The following BCAS1 variants were observed in gnomAD, a reference collection of about 807,000 sequenced individuals.
BCAS1 encodes the protein breast carcinoma-amplified sequence 1.
Under a neutral mutation model 65.4 loss-of-function variants are expected in BCAS1, and 46 were observed. The ratio of observed to expected loss-of-function variants is 0.70; its 90% CI spans 0.55 to 0.90. BCAS1 has a LOEUF of 0.90. BCAS1 is among the 40% of genes least tolerant of loss of function. BCAS1 has a pLI of 0.00. For missense variants in BCAS1, 793 were observed against 771.2 expected, an observed-to-expected ratio of 1.03 and a Z score of -0.33; for synonymous variants, 298 against 293.5, an observed-to-expected ratio of 1.02 and a Z score of -0.16.
intron 4 of BCAS1, among the ~76,000 whole-genome samples, chr20:54,017,703 G>A (rs2091469758): frequency 6.6e-6 from 1 of 152,038 alleles, no homozygotes; most frequent in Admixed American, 6.6e-5. Flanking sequence ...GCCAATATGT[G>A]TGATTTAAAA....
intron 8 of BCAS1, among the ~76,000 whole-genome samples, chr20:53,977,975 G>A (rs966628671): frequency 1.7e-4 from 25 of 151,408 alleles, no homozygotes; most frequent in Non-Finnish European, 2.9e-5. Flanking sequence ...TGCCATGCTG[G>A]TGCGCTGCAC....
chr20:54,028,857 G>C lies in BCAS1; in HGVS notation c.258C>G (p.Pro86=), dbSNP rs377354616. The C allele has an allele frequency of 6.2e-7, 1 of 1,613,942 alleles. No homozygotes were observed. The highest frequency in any genetic ancestry group is 1.3e-5 in the African/African-American group (1 of 74,952). Reference sequence around the variant, plus strand: ...AACGAGATTTAGCAGCTGGTGCCTCGGGTTTGGCCTCTTTCCCAAGATTCT... The same window carrying C: ...AACGAGATTTAGCAGCTGGTGCCTCCGGTTTGGCCTCTTTCCCAAGATTCT... ...NGKNLGKEAK[P]EAPAAKSRFF... is the part of the protein sequence containing the mutation. Residue 86 remains proline (P), a synonymous_variant, in exon 4 of 13, where the codon CCC becomes CCG. Transcript: ENST00000688948.
intron 4 of BCAS1, 22 bp downstream of exon 4, chr20:54,028,370 G>A (rs1221260251): frequency 6.2e-7 from 1 of 1,611,808 alleles, no homozygotes; most frequent in African/African-American, 1.3e-5. Context: ...AGAACCAAGT[G>A]GATACACCTT....
At chr20:54,056,439 T>C (rs1357690640) in intron 3 of BCAS1, among the ~76,000 whole-genome samples, 2 of 152,100 alleles carry the variant, frequency 1.3e-5, no homozygotes, top group African/African-American at 4.8e-5. Context: ...ATAATGGATA[T>C]TGGAGACTCC....
intron 4 of BCAS1, among the ~76,000 whole-genome samples, chr20:54,018,656 G>C (rs1327023841): frequency 1.3e-5 from 2 of 151,742 alleles, no homozygotes; most frequent in African/African-American, 4.8e-5. Flanking sequence ...TTTATATATT[G>C]CTTAACACTG....
chr20:54,028,228 A>G, intron 4 of BCAS1, 164 bp downstream of exon 4: 2 of 691,142 alleles, frequency 2.9e-6, no homozygotes, highest in Non-Finnish European at 5.1e-6. Flanking sequence ...ACCCAGAGAA[A>G]CATCAGGATG....
chr20:54,026,975 G>C (rs755595816), intron 4 of BCAS1, among the ~76,000 whole-genome samples: 1 of 152,216 alleles, frequency 6.6e-6, no homozygotes, highest in Non-Finnish European at 1.5e-5. Context: ...GCCCTTCACT[G>C]TGGTCCCTGT....
At chr20:54,039,441 C>T (rs1457862514) in intron 3 of BCAS1, among the ~76,000 whole-genome samples, 1 of 151,312 alleles carries the variant, frequency 6.6e-6, no homozygotes, top group Admixed American at 6.6e-5. Flanking sequence ...GGAATGTAGG[C>T]AAAGGTACTA....
intron 4 of BCAS1, among the ~76,000 whole-genome samples, chr20:54,008,980 A>G (rs1260243118): frequency 6.6e-6 from 1 of 152,014 alleles, no homozygotes; most frequent in Non-Finnish European, 1.5e-5. Flanking sequence ...CGCCCAGCTA[A>G]TTTTTGCATT....
At chr20:54,045,248 C>A (rs76411452) in intron 3 of BCAS1, among the ~76,000 whole-genome samples, 20,241 of 150,788 alleles carry the variant, frequency 0.13, 1,601 homozygotes, top group Non-Finnish European at 0.17. Flanking sequence ...AAAAAACTTA[C>A]GCCCAGGTAA....
At chr20:53,998,636 T>C (rs1455840073) in intron 4 of BCAS1, among the ~76,000 whole-genome samples, 1 of 152,214 alleles carries the variant, frequency 6.6e-6, no homozygotes, top group African/African-American at 2.4e-5. Context: ...ACCTCCAGCA[T>C]AGGGGATTAC....
chr20:53,957,504 T>C lies in BCAS1; in HGVS notation c.1486-7A>G, dbSNP rs1424560298. The stretch of plus-strand genomic sequence containing the variant: ...CTCCATCCCCTTTCACTGACTAAAA[T>C]AACAAACAGACAATGGCCTTCAGCC... On this transcript the variant is annotated splice_region_variant and splice_polypyrimidine_tract_variant and intron_variant, in intron 10 of 12. Coordinates refer to ENST00000688948, the MANE Select transcript of BCAS1 (RefSeq NM_001366298.2). 1.2e-6 allele frequency: 2 copies of C among 1,613,320 alleles called. No individual in the cohort carries two copies. Among genetic ancestry groups the C allele is most frequent in the Non-Finnish European group, 1.7e-6 (2 of 1,179,364 alleles).
chr20:53,992,503 G>C lies in BCAS1; in HGVS notation c.1062+9C>G. On this transcript the variant is annotated intron_variant, in intron 7 of 12. Coordinates refer to ENST00000688948, the MANE Select transcript of BCAS1 (RefSeq NM_001366298.2). Reference sequence around the variant, plus strand: ...CTTGTTTTTCCTCCTACTTTAATAAGATACAGACCTTATGCCTAAAGAATT... The same window carrying C: ...CTTGTTTTTCCTCCTACTTTAATAACATACAGACCTTATGCCTAAAGAATT... The C allele has an allele frequency of 7.3e-7, 1 of 1,365,722 alleles. No individual in the cohort carries two copies. Among genetic ancestry groups the C allele is most frequent in the African/African-American group, 1.5e-5 (1 of 67,730 alleles). 84.6% of individuals were successfully genotyped at this position (1,365,722 alleles called of 1,614,324 possible).
chr20:53,992,560 C>T lies in BCAS1; in HGVS notation c.1014G>A (p.Leu338=), dbSNP rs2090788964. Residue 338 remains leucine, a synonymous_variant, in exon 7 of 13, where the codon CTG becomes CTA. Coordinates refer to ENST00000688948, the MANE Select transcript of BCAS1 (RefSeq NM_001366298.2). ...IQARGTKKKH[L]DSPRLGLAFR... ...AGGCGAGTCCTAGCCTGGGGCTATC[C>T]AGGTGCTTTTTCTTGGTGCCTCTAG... 7 of 1,365,442 alleles carry T rather than the reference C, an allele frequency of 5.1e-6. No individual in the cohort carries two copies. Among genetic ancestry groups the T allele is most frequent in the African/African-American group, 1.5e-5 (1 of 67,492 alleles). The allele number at this position is 1,365,442 out of a possible 1,614,324, so 84.6% of individuals were successfully genotyped here.
Position 53,947,765 on chromosome 20 carries a change from G to T in BCAS1, c.1816-2769C>A, listed in dbSNP as rs780460574. ...CCTCCATTTACCGTGCATTGTAATC[G>T]CTTGTTGCTGTGATTAGAGCACAAA... On this transcript the variant is annotated intron_variant, in intron 12 of 12. Transcript: ENST00000688948. Among the ~76,000 whole-genome samples, 50 of 152,102 alleles carry T rather than the reference G, an allele frequency of 3.3e-4. 1 individual carries two copies. The highest frequency in any genetic ancestry group is 4.8e-5 in the African/African-American group (2 of 41,416).
chr20:54,053,819 C>G (rs988514449), intron 3 of BCAS1, among the ~76,000 whole-genome samples: 1 of 152,226 alleles, frequency 6.6e-6, no homozygotes, highest in Non-Finnish European at 1.5e-5. Flanking sequence ...AGCATTCCAG[C>G]CTCTTTGGCT....
At chr20:54,051,699 C>A (rs2092215099) in intron 3 of BCAS1, among the ~76,000 whole-genome samples, 1 of 149,712 alleles carries the variant, frequency 6.7e-6, no homozygotes, top group Non-Finnish European at 1.5e-5. Context: ...ATGTGAGCTG[C>A]TTTTGACTAT....
chr20:53,971,531 GA>G (rs1330124994), intron 9 of BCAS1, among the ~76,000 whole-genome samples: 1 of 152,238 alleles, frequency 6.6e-6, no homozygotes, highest in African/African-American at 2.4e-5. Flanking sequence ...CAGTGAAACA[GA>G]ACAAACTCCA....
Position 54,057,339 on chromosome 20 carries a change from C to T in BCAS1, c.142+746G>A, listed in dbSNP as rs188658333. On this transcript the variant is annotated intron_variant, in intron 3 of 12. Transcript: ENST00000688948. ...CTATGTTAAATGTTTAATAAACAAC[C>T]TCCTTTAATCCTGATAGCAATTCTG... Among the ~76,000 whole-genome samples, 9 of 152,290 alleles carry T rather than the reference C, an allele frequency of 5.9e-5. No homozygotes were observed. In the East Asian group the frequency reaches 1.5e-3, roughly 26 times the overall value.
Sources: gnomAD v4.1 joint callset for allele counts (sites outside exome capture counted in the v4.1 genomes callset) on GRCh38, gnomAD v4.1.1 for gene constraint, MANE v1.5 for transcripts, NCBI Gene and HGNC (gene_info 2026-07-23, HGNC 2026-07-21) for gene names.